Variants in EPB41L2 observed in about 807,000 individuals in gnomAD.
The protein encoded by EPB41L2 is erythrocyte membrane protein band 4.1 like 2, also known as band 4.1-like protein 2.
EPB41L2 carries 43 observed loss-of-function variants against 113.0 expected under a neutral mutation model. That is an observed-to-expected ratio of 0.38 (90% CI 0.30 to 0.49). The LOEUF is 0.49. Among genes scored for constraint, EPB41L2 ranks in the 20% least tolerant of loss-of-function variants. The pLI, the probability that EPB41L2 is intolerant of heterozygous loss-of-function variation, is 0.95. For missense variants in EPB41L2, 1,147 were observed against 1,223.4 expected (o/e 0.94, Z 0.93); for synonymous variants, 442 against 436.7 (o/e 1.01, Z -0.15).
At chr6:131,006,356 G>A (rs919645344) in intron 1 of EPB41L2, among the ~76,000 whole-genome samples, 2 of 147,534 alleles carry the variant, frequency 1.4e-5, no homozygotes, top group African/African-American at 2.5e-5. Flanking sequence ...CGCACCCGAC[G>A]AACTTCTTTT....
At position 130,863,714 on chromosome 6, in the gene EPB41L2, A is replaced by G. The variant is rs897127860; in HGVS notation, c.2834T>C (p.Val945Ala). Residue 945 changes from valine (V) to alanine (A), a missense_variant, in exon 18 of 20, where the codon GTA (valine) becomes GCA (alanine). Coordinates refer to ENST00000337057, the MANE Select transcript of EPB41L2 (RefSeq NM_001431.4). ...TCTTGTTTCAGAAATTCCACCTTTT[A>G]CAGTCTAAAGGTCATAAAGGAGAAG... ...TTTTTHITKT[V>A]KGGISETRIE... 1.9e-6 allele frequency: 3 copies of G among 1,610,758 alleles called. No homozygotes were observed. Among genetic ancestry groups the G allele is most frequent in the East Asian group, 2.2e-5 (1 of 44,864 alleles).
At chr6:130,962,062 G>A (rs867196539) in intron 1 of EPB41L2, among the ~76,000 whole-genome samples, 3 of 152,050 alleles carry the variant, frequency 2.0e-5, no homozygotes, top group South Asian at 2.1e-4. Context: ...CCACAATCAC[G>A]TGCTTGTATG....
chr6:130,906,965 A>T (rs1797916663), intron 5 of EPB41L2, among the ~76,000 whole-genome samples: 1 of 152,224 alleles, frequency 6.6e-6, no homozygotes, highest in South Asian at 2.1e-4. Flanking sequence ...AAAGTTCTGA[A>T]ATAACTTTTT....
At chr6:130,979,874 TG>T (rs1778999839) in intron 1 of EPB41L2, among the ~76,000 whole-genome samples, 1 of 152,198 alleles carries the variant, frequency 6.6e-6, no homozygotes, top group South Asian at 2.1e-4. Context: ...GACTGAAATG[TG>T]GAACTGCTCA....
chr6:130,942,735 A>G (rs376495257), intron 3 of EPB41L2, among the ~76,000 whole-genome samples: 12 of 152,200 alleles, frequency 7.9e-5, no homozygotes, highest in African/African-American at 2.9e-4. Flanking sequence ...TATTTCTCCT[A>G]ATGCTATCCC....
intron 1 of EPB41L2, among the ~76,000 whole-genome samples, chr6:130,986,117 C>A (rs528928497): frequency 1.3e-5 from 2 of 152,138 alleles, no homozygotes; most frequent in South Asian, 4.2e-4. Context: ...GATCATATGT[C>A]GTGGGCAAGT....
chr6:131,040,974 G>A (rs953331963), intron 1 of EPB41L2, among the ~76,000 whole-genome samples: 4 of 152,102 alleles, frequency 2.6e-5, no homozygotes, highest in Non-Finnish European at 5.9e-5. Flanking sequence ...ACAGTTCACC[G>A]TCATGAAAAG....
At chr6:130,967,337 T>G (rs1775522100) in intron 1 of EPB41L2, among the ~76,000 whole-genome samples, 1 of 152,198 alleles carries the variant, frequency 6.6e-6, no homozygotes, top group Admixed American at 6.5e-5. Context: ...CTATGCAGTG[T>G]GGGCTCATGT....
intron 6 of EPB41L2, among the ~76,000 whole-genome samples, chr6:130,901,843 T>C (rs78523487): frequency 0.024 from 3,604 of 152,308 alleles, 135 homozygotes; most frequent in African/African-American, 0.082. Context: ...AAGATGAGCA[T>C]GAACATTAGA....
chr6:130,956,437 G>T lies in EPB41L2; in HGVS notation c.49C>A (p.Gln17Lys). 3 of 1,613,960 alleles carry T rather than the reference G, an allele frequency of 1.9e-6. No individual in the cohort carries two copies. The highest frequency in any genetic ancestry group is 2.5e-6 in the Non-Finnish European group (3 of 1,180,028). Reference sequence around the variant, plus strand: ...TCCTTGGTTGCATCTGTTCCTAACTGGCTAGAGTCCTTCTTCACTTCAGAC... The same window carrying T: ...TCCTTGGTTGCATCTGTTCCTAACTTGCTAGAGTCCTTCTTCACTTCAGAC... ...SVSEVKKDSS[Q>K]LGTDATKEKP... The change falls in exon 2 of 20, where the codon CAG becomes AAG. Residue 17 changes from glutamine (Q) to lysine (K), a missense_variant. Physicochemically the swap from Gln to Lys is moderately conservative, Grantham distance 53. Coordinates refer to ENST00000337057, the MANE Select transcript of EPB41L2 (RefSeq NM_001431.4).
chr6:130,985,180 C>T (rs558870528), intron 1 of EPB41L2, among the ~76,000 whole-genome samples: 2 of 152,312 alleles, frequency 1.3e-5, no homozygotes, highest in South Asian at 2.1e-4. Context: ...CCTTTCCTGA[C>T]TGATTCTTTC....
At chr6:130,945,206 A>G (rs1172756268) in intron 3 of EPB41L2, among the ~76,000 whole-genome samples, 1 of 152,228 alleles carries the variant, frequency 6.6e-6, no homozygotes, top group Admixed American at 6.5e-5. Context: ...TAGTAAACTT[A>G]GTAAGTGTCA....
intron 1 of EPB41L2, among the ~76,000 whole-genome samples, chr6:130,980,280 A>G (rs1161493872): frequency 6.6e-6 from 1 of 152,162 alleles, no homozygotes; most frequent in Non-Finnish European, 1.5e-5. Context: ...ATAACTACAA[A>G]AAGTCTAGGA....
At position 130,894,651 on chromosome 6, in the gene EPB41L2, C is replaced by A. The variant is rs191962471; in HGVS notation, c.1390-210G>T. On this transcript the variant is annotated intron_variant, in intron 9 of 19. Coordinates refer to ENST00000337057, the MANE Select transcript of EPB41L2 (RefSeq NM_001431.4). ...AGCAAGTAACAACGGCTCACATAAA[C>A]CAACTATCCTTCAATGTTCACTAAA... Among the ~76,000 whole-genome samples the A allele has an allele frequency of 1.4e-3, 215 of 152,274 alleles. 4 individuals are homozygous for A. Among genetic ancestry groups the A allele is most frequent in the Admixed American group, 0.012 (181 of 15,294 alleles).
At chr6:130,870,273 G>GT (rs1785222378) in intron 14 of EPB41L2, 147 bp from the exon 15 acceptor site, 1 of 1,544,466 alleles carries the variant, frequency 6.5e-7, no homozygotes, top group East Asian at 2.4e-5. Context: ...CGGGGCAAAC[G>GT]TGAGGGCAAT....
At chr6:130,845,852 G>A (rs991448230) in intron 19 of EPB41L2, among the ~76,000 whole-genome samples, 5 of 152,112 alleles carry the variant, frequency 3.3e-5, no homozygotes, top group Admixed American at 6.5e-5. Flanking sequence ...CGCCATTCCC[G>A]CTGCATACAG....
intron 1 of EPB41L2, among the ~76,000 whole-genome samples, chr6:131,051,693 T>G (rs1796595080): frequency 6.6e-6 from 1 of 152,126 alleles, no homozygotes; most frequent in Non-Finnish European, 1.5e-5. Context: ...CTTTGAGGAC[T>G]GAGGTGAGAG....
intron 14 of EPB41L2, 26 bp downstream of exon 14, chr6:130,878,078 G>C: frequency 6.4e-7 from 1 of 1,557,696 alleles, no homozygotes; most frequent in Non-Finnish European, 8.7e-7. Context: ...AAGTGAGACA[G>C]AGCCAACAAA....
At chr6:131,036,982 A>G (rs987407604) in intron 1 of EPB41L2, among the ~76,000 whole-genome samples, 1 of 152,180 alleles carries the variant, frequency 6.6e-6, no homozygotes, top group African/African-American at 2.4e-5. Context: ...AGAAGTTGTG[A>G]GCTGATCTCC....
Sources: gnomAD v4.1 joint callset for allele counts (sites outside exome capture counted in the v4.1 genomes callset) on GRCh38, gnomAD v4.1.1 for gene constraint, MANE v1.5 for transcripts, NCBI Gene and HGNC (gene_info 2026-07-23, HGNC 2026-07-21) for gene names.